The following EEIG2 variants were observed in gnomAD, a reference collection of about 807,000 sequenced individuals.
EEIG2 encodes the protein family with sequence similarity 102 member B.
chr1:108,571,935 T>C, the EEIG2 span, among the ~76,000 whole-genome samples: 1 of 152,176 alleles, frequency 6.6e-6, no homozygotes, highest in Non-Finnish European at 1.5e-5. Context: ...CTTGTTTACC[T>C]TCCTTCTCCT....
chr1:108,567,885 C>A, the EEIG2 span, among the ~76,000 whole-genome samples: 1 of 152,010 alleles, frequency 6.6e-6, no homozygotes, highest in Non-Finnish European at 1.5e-5. Flanking sequence ...GTGTTCCCAG[C>A]TACTCAGGGA....
chr1:108,618,052 A>G, the EEIG2 span, among the ~76,000 whole-genome samples: 2 of 152,162 alleles, frequency 1.3e-5, no homozygotes, highest in Non-Finnish European at 2.9e-5. Context: ...TAAAAAAGAA[A>G]CAGAAAGATG....
the EEIG2 span, among the ~76,000 whole-genome samples, chr1:108,600,199 G>C: frequency 2.0e-5 from 3 of 152,128 alleles, no homozygotes; most frequent in African/African-American, 7.2e-5. Flanking sequence ...CATTAACTAT[G>C]AATATAATCC....
At chr1:108,560,525 C>G in the EEIG2 span, 1 of 1,611,946 alleles carries the variant, frequency 6.2e-7, no homozygotes, top group South Asian at 1.1e-5. Context: ...CTGCAAGATG[C>G]GGCTGCTGGA....
chr1:108,590,442 CCTTGATAATAA>C, the EEIG2 span, among the ~76,000 whole-genome samples: 1 of 152,144 alleles, frequency 6.6e-6, no homozygotes, highest in South Asian at 2.1e-4. Flanking sequence ...CTATATACAT[CCTTGATAATAA>C]CTTGTAACAT....
chr1:108,564,590 C>T, the EEIG2 span, among the ~76,000 whole-genome samples: 1 of 152,024 alleles, frequency 6.6e-6, no homozygotes, highest in African/African-American at 2.4e-5. Context: ...GCCATATAGG[C>T]CTGCTTACTA....
chr1:108,579,468 T>TA, the EEIG2 span, among the ~76,000 whole-genome samples: 2 of 146,470 alleles, frequency 1.4e-5, no homozygotes, highest in Admixed American at 1.4e-4. Flanking sequence ...CAAAGAGACT[T>TA]AGACTCCCAC....
chr1:108,635,102 T>C, the EEIG2 span: 1 of 1,613,962 alleles, frequency 6.2e-7, no homozygotes. Flanking sequence ...TCCACTGCTG[T>C]TTTAGGGTGG....
chr1:108,586,102 T>A, the EEIG2 span, among the ~76,000 whole-genome samples: 2 of 152,216 alleles, frequency 1.3e-5, no homozygotes, highest in South Asian at 4.1e-4. Flanking sequence ...AAATTAATAA[T>A]AATACATAGC....
the EEIG2 span, chr1:108,625,828 G>GT: frequency 1.5e-5 from 2 of 132,344 alleles, no homozygotes; most frequent in African/African-American, 5.5e-5. Context: ...GTGTGTGTGT[G>GT]GAGAGAGAGA....
At chr1:108,633,885 T>C in the EEIG2 span, among the ~76,000 whole-genome samples, 2 of 152,190 alleles carry the variant, frequency 1.3e-5, no homozygotes, top group African/African-American at 4.8e-5. Flanking sequence ...CTCTGACTCC[T>C]TCACTCAGAG....
the EEIG2 span, chr1:108,627,543 C>T: frequency 6.6e-5 from 10 of 152,240 alleles, no homozygotes; most frequent in African/African-American, 2.2e-4. Context: ...TTAGAAATGG[C>T]TTTGACACTG....
the EEIG2 span, among the ~76,000 whole-genome samples, chr1:108,631,896 T>C: frequency 2.0e-5 from 3 of 151,768 alleles, no homozygotes; most frequent in African/African-American, 7.3e-5. Context: ...GGTGGATCAC[T>C]TGAGATCAGG....
chr1:108,576,774 T>C, the EEIG2 span, among the ~76,000 whole-genome samples: 1 of 150,628 alleles, frequency 6.6e-6, no homozygotes, highest in African/African-American at 2.4e-5. Flanking sequence ...CATGTGTCTT[T>C]ATAGCAGCAT....
the EEIG2 span, among the ~76,000 whole-genome samples, chr1:108,614,409 C>A: frequency 1.9e-4 from 29 of 152,242 alleles, 1 homozygote; most frequent in African/African-American, 6.5e-4. Flanking sequence ...ACTCTACTTC[C>A]TTCATATGCT....
chr1:108,609,334 G>T, the EEIG2 span, among the ~76,000 whole-genome samples: 1 of 152,148 alleles, frequency 6.6e-6, no homozygotes, highest in African/African-American at 2.4e-5. Context: ...AGGGGTCGTT[G>T]GAGGAACAGA....
At chr1:108,593,166 A>T in the EEIG2 span, among the ~76,000 whole-genome samples, 1 of 152,154 alleles carries the variant, frequency 6.6e-6, no homozygotes. Context: ...CCAAAAAAAT[A>T]AAAAATAAAT....
the EEIG2 span, among the ~76,000 whole-genome samples, chr1:108,632,056 G>A: frequency 1.4e-5 from 2 of 146,678 alleles, no homozygotes; most frequent in African/African-American, 5.2e-5. Context: ...GGAGGCTGCG[G>A]TGAGCCAAGA....
chr1:108,575,525 C>T, the EEIG2 span, among the ~76,000 whole-genome samples: 1 of 152,114 alleles, frequency 6.6e-6, no homozygotes, highest in African/African-American at 2.4e-5. Context: ...TTTCTTAGCA[C>T]CATTATTTAT....
Sources: gnomAD v4.1 joint callset for allele counts (sites outside exome capture counted in the v4.1 genomes callset) on GRCh38, gnomAD v4.1.1 for gene constraint, MANE v1.5 for transcripts, NCBI Gene and HGNC (gene_info 2026-07-23, HGNC 2026-07-21) for gene names.